Variants in CDA observed in about 807,000 individuals in gnomAD.
The protein encoded by CDA is cytidine deaminase.
Under a neutral mutation model 15.0 loss-of-function variants are expected in CDA, and 7 were observed. The observed-to-expected ratio is 0.47, with a 90% CI of 0.26 to 0.87. The LOEUF (loss-of-function observed/expected upper bound fraction) is 0.87, where lower values mean the gene tolerates loss of function less well. Among genes scored for constraint, CDA ranks in the 40% least tolerant of loss-of-function variants. The pLI, the probability that CDA is intolerant of heterozygous loss-of-function variation, is 0.15. For synonymous variants in CDA, 58 were observed against 73.0 expected, an observed-to-expected ratio of 0.79 and a Z score of 1.05; for missense variants, 159 against 182.7, an observed-to-expected ratio of 0.87 and a Z score of 0.75.
At position 20,618,553 on chromosome 1, in the gene CDA, G is replaced by C. The variant is rs773268002; in HGVS notation, c.426G>C (p.Leu142=). ...CCTCCTCCTTTGGGCCTGAGGACCT[G>C]CAGAAGACCCAGTGACAGCCAGAGA... ...LLPSSFGPED[L]QKTQ is the part of the protein sequence containing the mutation. Residue 142 remains leucine (L), a synonymous_variant, in exon 4 of 4, where the codon CTG becomes CTC. Transcript: ENST00000375071. 4.4e-6 allele frequency: 7 copies of C among 1,603,328 alleles called. No homozygotes were observed. In the East Asian group the frequency reaches 1.3e-4, roughly 31 times the overall value.
At chr1:20,611,949 G>A (rs562836184) in intron 2 of CDA, among the ~76,000 whole-genome samples, 8 of 152,018 alleles carry the variant, frequency 5.3e-5, no homozygotes, top group Admixed American at 2.0e-4. Context: ...TGCAACCTCC[G>A]CCTCCCAGGC....
chr1:20,617,253 A>C (rs1352333170), intron 3 of CDA, among the ~76,000 whole-genome samples: 1 of 152,196 alleles, frequency 6.6e-6, no homozygotes, highest in Non-Finnish European at 1.5e-5. Flanking sequence ...AGAAAGATCA[A>C]GAGACAAATT....
At chr1:20,617,071 C>A (rs1245613355) in intron 3 of CDA, among the ~76,000 whole-genome samples, 1 of 152,076 alleles carries the variant, frequency 6.6e-6, no homozygotes, top group African/African-American at 2.4e-5. Context: ...GTCTGTTGAC[C>A]CCACCTCCAG....
In CDA at chr1:20,598,947, G is replaced by A. The variant is rs373448037; in HGVS notation, c.155-5981G>A. ...TCAGAAAGTTTGTAATATAATAGGA[G>A]GAATTAGATAATAAAGACATTTATT... On this transcript the variant is annotated intron_variant, in intron 1 of 3. Coordinates refer to ENST00000375071, the MANE Select transcript of CDA (RefSeq NM_001785.3). Among the ~76,000 whole-genome samples, 44 of 152,248 alleles carry A rather than the reference G, an allele frequency of 2.9e-4. 1 individual carries two copies. The South Asian group carries it at 8.7e-3, about 30-fold the overall frequency.
chr1:20,618,624 T>C lies in CDA; in HGVS notation c.*56T>C. ...CCACCTGGAGAACTTCATAAAGATG[T>C]CTCACAGCCCTGGGGACACCTGCCC... is the stretch of plus-strand genomic sequence containing the variant. On this transcript the variant is annotated 3_prime_UTR_variant, in exon 4 of 4. Coordinates refer to ENST00000375071, the MANE Select transcript of CDA (RefSeq NM_001785.3). The C allele has an allele frequency of 1.9e-6, 2 of 1,065,930 alleles. No homozygotes were observed. Among genetic ancestry groups the C allele is most frequent in the South Asian group, 1.2e-5 (1 of 80,384 alleles). 66.0% of individuals were successfully genotyped at this position (1,065,930 alleles called of 1,614,324 possible).
At chr1:20,607,345 C>G (rs901369699) in intron 2 of CDA, among the ~76,000 whole-genome samples, 3 of 152,138 alleles carry the variant, frequency 2.0e-5, no homozygotes, top group Non-Finnish European at 2.9e-5. Context: ...TATCCGATAG[C>G]CTTCCCTGTC....
chr1:20,590,584 T>TC (rs2052538763), intron 1 of CDA, among the ~76,000 whole-genome samples: 1 of 151,982 alleles, frequency 6.6e-6, no homozygotes, highest in Non-Finnish European at 1.5e-5. Context: ...CCTCCTACAA[T>TC]CCCCCGGCAC....
intron 1 of CDA, among the ~76,000 whole-genome samples, chr1:20,597,563 C>T (rs944608996): frequency 3.3e-5 from 5 of 152,374 alleles, no homozygotes; most frequent in South Asian, 4.1e-4. Flanking sequence ...CCTTACCCAA[C>T]AGTTAAAAGG....
intron 2 of CDA, among the ~76,000 whole-genome samples, chr1:20,610,235 C>T (rs12407778): frequency 0.078 from 11,733 of 150,426 alleles, 765 homozygotes; most frequent in East Asian, 0.31. Flanking sequence ...TTGCAGAATG[C>T]CTGGCACATT....
intron 2 of CDA, among the ~76,000 whole-genome samples, chr1:20,610,260 T>C (rs2052734430): frequency 2.7e-5 from 1 of 36,810 alleles, no homozygotes; most frequent in African/African-American, 5.8e-5. Context: ...GCACACATTA[T>C]CTTTTTTTTT....
intron 3 of CDA, among the ~76,000 whole-genome samples, chr1:20,616,916 C>CAGG (rs1390892376): frequency 6.6e-6 from 1 of 152,176 alleles, no homozygotes; most frequent in African/African-American, 2.4e-5. Context: ...TGTGGAAGAA[C>CAGG]AGGAGGCTGC....
chr1:20,604,669 C>T (rs1268560675), intron 1 of CDA, among the ~76,000 whole-genome samples: 1 of 152,128 alleles, frequency 6.6e-6, no homozygotes, highest in Non-Finnish European at 1.5e-5. Flanking sequence ...GTTGTGCTGC[C>T]CTGCTCCCAG....
intron 2 of CDA, among the ~76,000 whole-genome samples, chr1:20,606,477 C>A (rs2052696175): frequency 1.3e-5 from 2 of 152,038 alleles, no homozygotes; most frequent in South Asian, 4.2e-4. Context: ...GGACAAAACC[C>A]AGGTTCCAGA....
chr1:20,615,843 A>G (rs1280453078), intron 3 of CDA, among the ~76,000 whole-genome samples: 2 of 152,092 alleles, frequency 1.3e-5, no homozygotes, highest in Non-Finnish European at 2.9e-5. Flanking sequence ...CCTTCAAACA[A>G]TTTAAAAATT....
chr1:20,613,864 T>G lies in CDA; in HGVS notation c.289T>G (p.Ser97Ala). The change falls in exon 3 of 4, where the codon TCT (serine) becomes GCT (alanine). Residue 97 changes from serine (S) to alanine (A), a missense_variant. Coordinates refer to ENST00000375071, the MANE Select transcript of CDA (RefSeq NM_001785.3). ...CAGTGACATGCAAGATGATTTTATCTCTCCATGTGGGGCCTGCAGGCAAGT... is the reference window on the plus strand; with the variant it reads ...CAGTGACATGCAAGATGATTTTATCGCTCCATGTGGGGCCTGCAGGCAAGT... Reference protein sequence around the residue: ...IASDMQDDFISPCGACRQVMR... With the variant: ...IASDMQDDFIAPCGACRQVMR... The G allele has an allele frequency of 3.1e-6, 5 of 1,614,050 alleles. No individual in the cohort carries two copies. The highest frequency in any genetic ancestry group is 4.2e-6 in the Non-Finnish European group (5 of 1,179,932).
intron 3 of CDA, among the ~76,000 whole-genome samples, chr1:20,616,870 G>C (rs570972702): frequency 6.6e-6 from 1 of 152,306 alleles, no homozygotes; most frequent in East Asian, 1.9e-4. Context: ...AGAAGATTGA[G>C]TGTGCCCGGG....
At chr1:20,604,106 CA>C (rs2052672187) in intron 1 of CDA, among the ~76,000 whole-genome samples, 1 of 151,784 alleles carries the variant, frequency 6.6e-6, no homozygotes, top group African/African-American at 2.4e-5. Flanking sequence ...TTTTGCAACA[CA>C]ACTGACACAG....
At chr1:20,598,566 A>G (rs1020222232) in intron 1 of CDA, among the ~76,000 whole-genome samples, 4 of 152,250 alleles carry the variant, frequency 2.6e-5, no homozygotes, top group Admixed American at 2.6e-4. Context: ...TATTTCTCAC[A>G]GTTCTGGAGG....
intron 2 of CDA, among the ~76,000 whole-genome samples, chr1:20,612,541 C>T (rs1161766944): frequency 1.3e-5 from 2 of 152,042 alleles, no homozygotes; most frequent in South Asian, 2.1e-4. Flanking sequence ...CCCCCTTTAA[C>T]TGTAATTTTC....
Sources: gnomAD v4.1 joint callset for allele counts (sites outside exome capture counted in the v4.1 genomes callset) on GRCh38, gnomAD v4.1.1 for gene constraint, MANE v1.5 for transcripts, NCBI Gene and HGNC (gene_info 2026-07-23, HGNC 2026-07-21) for gene names.